The following HIF3A variants were observed in gnomAD, a reference collection of about 807,000 sequenced individuals.
HIF3A encodes hypoxia inducible factor 3 subunit alpha, also known as hypoxia-inducible factor 3-alpha.
A neutral mutation model predicts 67.2 loss-of-function variants in HIF3A; 41 were observed. That is an observed-to-expected ratio of 0.61 (90% CI 0.48 to 0.79). The LOEUF is 0.79. Ranked by LOEUF, HIF3A falls within the 30% of genes least tolerant of loss-of-function variation. The probability of loss-of-function intolerance (pLI) is 0.00; values close to 1 mark genes in which losing one functional copy is unlikely to be tolerated. For missense variants in HIF3A, 855 were observed against 898.0 expected (o/e 0.95, Z 0.61); for synonymous variants, 356 against 374.8 (o/e 0.95, Z 0.58).
intron 1 of HIF3A, among the ~76,000 whole-genome samples, chr19:46,300,159 G>A (rs1289976272): frequency 6.6e-6 from 1 of 152,140 alleles, no homozygotes; most frequent in East Asian, 1.9e-4. Flanking sequence ...CTCTAGCTCC[G>A]TGAGTGTTCA....
intron 1 of HIF3A, among the ~76,000 whole-genome samples, chr19:46,300,742 T>C (rs1463468497): frequency 1.3e-5 from 2 of 152,068 alleles, no homozygotes; most frequent in African/African-American, 4.8e-5. Flanking sequence ...TGATAAGTAG[T>C]AGAGTCAGGA....
intron 8 of HIF3A, among the ~76,000 whole-genome samples, chr19:46,315,735 G>T (rs963458081): frequency 6.6e-6 from 1 of 152,156 alleles, no homozygotes; most frequent in Non-Finnish European, 1.5e-5. Context: ...CCAACATGGC[G>T]AAACACCGTC....
chr19:46,333,008 C>A (rs544486339), intron 13 of HIF3A, among the ~76,000 whole-genome samples: 99 of 149,500 alleles, frequency 6.6e-4, no homozygotes, highest in East Asian at 4.9e-3. Flanking sequence ...CAACCTCTCT[C>A]TATATATATA....
chr19:46,330,065 G>C (rs185439971), intron 12 of HIF3A, among the ~76,000 whole-genome samples: 23 of 141,108 alleles, frequency 1.6e-4, no homozygotes, highest in African/African-American at 5.8e-4. Flanking sequence ...GGGAGGGAGG[G>C]AAGGAATGGA....
intron 8 of HIF3A, among the ~76,000 whole-genome samples, chr19:46,314,197 T>C (rs1969728897): frequency 1.3e-5 from 2 of 148,554 alleles, no homozygotes; most frequent in East Asian, 2.2e-4. Context: ...ATGGGTTATA[T>C]AGTAAGTGTA....
rs1422284113 is a variant in HIF3A, at chr19:46,298,284, C to CT, written c.26+1186dup. On this transcript the variant is annotated intron_variant, in intron 1 of 14. Coordinates refer to ENST00000377670, the MANE Select transcript of HIF3A (RefSeq NM_152795.4). ...CCTAACAAGGAACTCTATCCCACCC[C>CT]TTTTGGGCCAGCTGTCGTTCCGCCC... 5.9e-6 allele frequency: 4 copies of CT among 675,088 alleles called. No homozygotes were observed. In the African/African-American group the frequency reaches 7.4e-5, roughly 13 times the overall value. 41.8% of individuals were successfully genotyped at this position (675,088 alleles called of 1,614,324 possible).
chr19:46,328,536 C>T (rs894112530), intron 11 of HIF3A, among the ~76,000 whole-genome samples: 2 of 152,156 alleles, frequency 1.3e-5, no homozygotes, highest in African/African-American at 2.4e-5. Flanking sequence ...TGGATCACCT[C>T]GTGTATTTGT....
intron 8 of HIF3A, chr19:46,312,943 TCAAA>T (rs943845187): frequency 9.4e-7 from 1 of 1,058,368 alleles, no homozygotes; most frequent in Non-Finnish European, 1.1e-6. Flanking sequence ...GATTGTTAAT[TCAAA>T]TTAGAAAGGG....
intron 1 of HIF3A, chr19:46,303,696 A>T: frequency 6.3e-7 from 1 of 1,577,222 alleles, no homozygotes; most frequent in Non-Finnish European, 8.6e-7. Context: ...AGGTAAAATC[A>T]GGGCTAGGAA....
chr19:46,322,017 A>G, intron 10 of HIF3A, 51 bp downstream of exon 10: 42 of 1,575,466 alleles, frequency 2.7e-5, no homozygotes, highest in Non-Finnish European at 3.6e-5. Flanking sequence ...TCAGTCCCTC[A>G]GGGGGTCTTG....
chr19:46,342,605 C>CT lies in HIF3A; in HGVS notation c.*2986dup, dbSNP rs1280666853. ...TCTAAGCCTCACAGCTTCCAACTGC[C>CT]TTTGATTTCAGATCCAAATTCCTCT... On this transcript the variant is annotated 3_prime_UTR_variant, in exon 15 of 15. Transcript: ENST00000377670. 1 of 152,170 alleles carries CT rather than the reference C, an allele frequency of 6.6e-6. No homozygotes were observed. The highest frequency in any genetic ancestry group is 1.9e-4 in the East Asian group (1 of 5,198). 9.4% of individuals were successfully genotyped at this position (152,170 alleles called of 1,614,324 possible).
At chr19:46,324,915 CACATATATATATACACATATATATAT>C (rs1355595634) in intron 10 of HIF3A, among the ~76,000 whole-genome samples, 1 of 143,862 alleles carries the variant, frequency 7.0e-6, no homozygotes, top group African/African-American at 2.6e-5. Context: ...TATACACACA[CACATATATATATACACATATATATAT>C]ACATATATAT....
intron 1 of HIF3A, among the ~76,000 whole-genome samples, chr19:46,301,179 C>G (rs1302398311): frequency 6.6e-6 from 1 of 152,146 alleles, no homozygotes; most frequent in East Asian, 1.9e-4. Flanking sequence ...CCAAACTGCC[C>G]CCTTCTGTGC....
rs372235440 is a variant in HIF3A at position 46,336,259 on chromosome 19, A to T, written c.1912+1273A>T. On this transcript the variant is annotated intron_variant, in intron 14 of 14. Coordinates refer to ENST00000377670, the MANE Select transcript of HIF3A (RefSeq NM_152795.4). ...AGGCGCCCGCCACCTCGCCTGGCAA[A>T]TTTTTTGTATTTTTAGTAGAGACAG... Among the ~76,000 whole-genome samples, 47 of 150,624 alleles carry T rather than the reference A, an allele frequency of 3.1e-4. No individual in the cohort carries two copies. The South Asian group carries it at 9.3e-3, about 30-fold the overall frequency.
intron 6 of HIF3A, chr19:46,310,462 C>G (rs926078437): frequency 9.2e-6 from 3 of 327,674 alleles, no homozygotes; most frequent in Non-Finnish European, 1.8e-5. Context: ...TTCCTTTCAT[C>G]TCTTTTTCTC....
In HIF3A at chr19:46,326,396, T is replaced by C. The variant is rs555744447; in HGVS notation, c.1440+757T>C. Among the ~76,000 whole-genome samples the C allele has an allele frequency of 1.7e-3, 266 of 152,266 alleles. 1 individual carries two copies. The highest frequency in any genetic ancestry group is 5.7e-3 in the African/African-American group (236 of 41,554). On this transcript the variant is annotated intron_variant, in intron 11 of 14. Transcript: ENST00000377670. ...ATGGCCTAATCTCAGAAGTGACAAATCATCGCTTCTGCCATATTGTTTTGG... is the reference window on the plus strand; with the variant it reads ...ATGGCCTAATCTCAGAAGTGACAAACCATCGCTTCTGCCATATTGTTTTGG...
chr19:46,325,581 G>A lies in HIF3A; in HGVS notation c.1382G>A (p.Arg461Lys). The change falls in exon 11 of 15, where the codon AGA (arginine) becomes AAA (lysine). Residue 461 changes from arginine (R) to lysine (K), a missense_variant. Physicochemically the swap from Arg to Lys is conservative, Grantham distance 26. This residue lies in a region of HIF3A where 638 missense variants were observed against 660.5 expected (regional missense o/e 0.97). Transcript: ENST00000377670. The part of the protein sequence containing the change: ...ELPVGTENVH[R>K]LFTSGKDTEA... ...CCTGTGGGCACCGAGAATGTGCACA[G>A]ACTCTTCACCTCCGGGAAAGACACT... is the stretch of plus-strand genomic sequence containing the variant. The A allele has an allele frequency of 6.2e-7, 1 of 1,613,586 alleles. No individual in the cohort carries two copies. Among genetic ancestry groups the A allele is most frequent in the Non-Finnish European group, 8.5e-7 (1 of 1,179,922 alleles).
intron 1 of HIF3A, among the ~76,000 whole-genome samples, chr19:46,302,337 A>G (rs1677811803): frequency 6.6e-6 from 1 of 152,098 alleles, no homozygotes; most frequent in Admixed American, 6.5e-5. Context: ...TCACCATGTT[A>G]GCCAGGATGG....
chr19:46,297,960 C>T lies in HIF3A; in HGVS notation c.26+858C>T, dbSNP rs1046878840. Among the ~76,000 whole-genome samples, 5 of 152,058 alleles carry T rather than the reference C, an allele frequency of 3.3e-5. No individual in the cohort carries two copies. The highest frequency in any genetic ancestry group is 3.9e-4 in the East Asian group (2 of 5,172). On this transcript the variant is annotated intron_variant, in intron 1 of 14. Coordinates refer to ENST00000377670, the MANE Select transcript of HIF3A (RefSeq NM_152795.4). This position sits in a 1 kb window ranked among gnomAD's most constrained non-coding sequence, Gnocchi z 4.5. ...CCGCAGTACTCAGATGGGGTCATCC[C>T]GGGCAGAGGGTGGGTTTCTGGGTTC...
Sources: gnomAD v4.1 joint callset for allele counts (sites outside exome capture counted in the v4.1 genomes callset) on GRCh38, gnomAD v4.1.1 for gene constraint, gnomAD v4.1.1 regional missense constraint, Gnocchi (gnomAD v3.1) non-coding constraint, MANE v1.5 for transcripts, NCBI Gene and HGNC (gene_info 2026-07-23, HGNC 2026-07-21) for gene names.